RFX3: variants seen among roughly 807,000 people sequenced by gnomAD.
RFX3 encodes the protein regulatory factor X3.
Under a neutral mutation model 98.6 loss-of-function variants are expected in RFX3, and 14 were observed. That is an observed-to-expected ratio of 0.14 (90% CI 0.09 to 0.22). RFX3 has a LOEUF of 0.22. Ranked by LOEUF, RFX3 falls within the 10% of genes least tolerant of loss-of-function variation. RFX3 has a pLI of 1.00. For synonymous variants in RFX3, 383 were observed against 328.4 expected, an observed-to-expected ratio of 1.17 and a Z score of -1.80; for missense variants, 639 against 926.9, an observed-to-expected ratio of 0.69 and a Z score of 4.03.
intron 4 of RFX3, among the ~76,000 whole-genome samples, chr9:3,306,476 A>T (rs1829325618): frequency 6.6e-6 from 1 of 151,924 alleles, no homozygotes; most frequent in East Asian, 1.9e-4. Context: ...ATTGAATATT[A>T]CTGGAAGGAA....
chr9:3,264,850 G>T (rs1823405604), intron 12 of RFX3, among the ~76,000 whole-genome samples: 3 of 152,180 alleles, frequency 2.0e-5, no homozygotes, highest in African/African-American at 4.8e-5. Context: ...CCAAACTCTG[G>T]AGGTCAATGA....
At chr9:3,230,621 T>A (rs546917780) in intron 15 of RFX3, among the ~76,000 whole-genome samples, 56 of 152,318 alleles carry the variant, frequency 3.7e-4, no homozygotes, top group African/African-American at 1.2e-3. Context: ...TTTAGAACTA[T>A]AAACAGAGAA....
chr9:3,268,473 C>T (rs564393813), intron 11 of RFX3, among the ~76,000 whole-genome samples: 2 of 151,554 alleles, frequency 1.3e-5, no homozygotes, highest in East Asian at 2.0e-4. Context: ...AAAATGCATA[C>T]AAGCAGAAGA....
chr9:3,491,712 CTT>C (rs1255141141), intron 1 of RFX3, among the ~76,000 whole-genome samples: 1 of 152,138 alleles, frequency 6.6e-6, no homozygotes, highest in Non-Finnish European at 1.5e-5. Context: ...CTTAGGATCT[CTT>C]TGTTTTTTAT....
intron 1 of RFX3, among the ~76,000 whole-genome samples, chr9:3,425,663 G>A (rs948856344): frequency 6.6e-6 from 1 of 152,074 alleles, no homozygotes; most frequent in Non-Finnish European, 1.5e-5. Context: ...TGAACTTACT[G>A]GATGTATAAG....
chr9:3,524,628 C>T (rs1819033388), intron 1 of RFX3: 1 of 984,172 alleles, frequency 1.0e-6, no homozygotes, highest in Non-Finnish European at 1.2e-6. Context: ...CACAAAGCTT[C>T]CTTGTGTCCC....
At chr9:3,234,019 T>C (rs1351822275) in intron 15 of RFX3, among the ~76,000 whole-genome samples, 2 of 152,228 alleles carry the variant, frequency 1.3e-5, no homozygotes. Flanking sequence ...TCCCTGTTAG[T>C]ATATCCAGAT....
At chr9:3,394,109 G>C (rs555733070) in intron 2 of RFX3, among the ~76,000 whole-genome samples, 2 of 152,242 alleles carry the variant, frequency 1.3e-5, no homozygotes, top group East Asian at 3.9e-4. Context: ...TGAGGGATGG[G>C]AAAGTTGTAT....
Position 3,410,009 on chromosome 9 carries a change from G to T in RFX3, c.-8-14413C>A, listed in dbSNP as rs577384457. Among the ~76,000 whole-genome samples the T allele has an allele frequency of 3.3e-3, 499 of 152,204 alleles. 2 individuals carry two copies. Among genetic ancestry groups the T allele is most frequent in the Middle Eastern group, 6.8e-3 (2 of 294 alleles). On this transcript the variant is annotated intron_variant, in intron 1 of 16. Coordinates refer to ENST00000617270, the MANE Select transcript of RFX3 (RefSeq NM_001282116.2). ...AGAGGTAGCAAGGCCTGACAGACGC[G>T]CAAAGTGCTTACTACACAAGGAAAG...
intron 1 of RFX3, among the ~76,000 whole-genome samples, chr9:3,447,442 A>G (rs1211806504): frequency 6.6e-6 from 1 of 152,210 alleles, no homozygotes; most frequent in Non-Finnish European, 1.5e-5. Context: ...CTTTGGGCTA[A>G]GACATCCATT....
chr9:3,238,405 TG>T (rs1819467761), intron 15 of RFX3, among the ~76,000 whole-genome samples: 1 of 152,200 alleles, frequency 6.6e-6, no homozygotes. Context: ...TGAGAAGGGA[TG>T]AAGTGCTTGT....
At chr9:3,495,620 C>G (rs994318449) in intron 1 of RFX3, among the ~76,000 whole-genome samples, 1 of 152,006 alleles carries the variant, frequency 6.6e-6, no homozygotes, top group East Asian at 1.9e-4. Context: ...ACTGTATCTG[C>G]GTAACTATAT....
chr9:3,463,498 G>C (rs1410727726), intron 1 of RFX3, among the ~76,000 whole-genome samples: 1 of 151,702 alleles, frequency 6.6e-6, no homozygotes, highest in Non-Finnish European at 1.5e-5. Context: ...TCAATAAATT[G>C]GGCTTCATCA....
In RFX3 at chr9:3,218,827, A is replaced by T. The variant is rs1327899117; in HGVS notation, c.*6215T>A. Reference sequence around the variant, plus strand: ...TAAAATAAATGTTCAAATATCTCCTAGTGTTACTATGTTTCTGTGCTTGTG... The same window carrying T: ...TAAAATAAATGTTCAAATATCTCCTTGTGTTACTATGTTTCTGTGCTTGTG... On this transcript the variant is annotated 3_prime_UTR_variant, in exon 17 of 17. Transcript: ENST00000617270. The T allele has an allele frequency of 6.6e-6, 1 of 152,130 alleles. No homozygotes were observed. The highest frequency in any genetic ancestry group is 1.5e-5 in the Non-Finnish European group (1 of 67,992). 9.4% of individuals were successfully genotyped at this position (152,130 alleles called of 1,614,324 possible).
intron 1 of RFX3, among the ~76,000 whole-genome samples, chr9:3,503,516 T>C (rs565454028): frequency 1.4e-4 from 21 of 152,262 alleles, no homozygotes; most frequent in Admixed American, 3.9e-4. Flanking sequence ...TGCTGAATAT[T>C]TGACACCAAA....
intron 2 of RFX3, among the ~76,000 whole-genome samples, chr9:3,391,976 C>A (rs1840357175): frequency 6.6e-6 from 1 of 152,160 alleles, no homozygotes; most frequent in Admixed American, 6.6e-5. Flanking sequence ...ATACCCAACT[C>A]TTTCCCCAAC....
rs144790348 is a variant in RFX3 at position 3,406,127 on chromosome 9, T to G, written c.-8-10531A>C. 1.8e-3 allele frequency among the ~76,000 whole-genome samples: 280 copies of G among 152,076 alleles called. 2 individuals are homozygous for G. The highest frequency in any genetic ancestry group is 3.1e-3 in the Non-Finnish European group (209 of 68,000). ...ACATGCCACCACGCCTGACAGCTAA[T>G]TTTTTGGATTTTTTTTGTAGAGACA... On this transcript the variant is annotated intron_variant, in intron 1 of 16. Coordinates refer to ENST00000617270, the MANE Select transcript of RFX3 (RefSeq NM_001282116.2).
Position 3,525,800 on chromosome 9 carries a change from G to A in RFX3, c.-62C>T. 4.6e-6 allele frequency: 3 copies of A among 649,812 alleles called. No individual in the cohort carries two copies. Among genetic ancestry groups the A allele is most frequent in the Non-Finnish European group, 5.7e-6 (3 of 522,672 alleles). 40.3% of individuals were successfully genotyped at this position (649,812 alleles called of 1,614,324 possible). On this transcript the variant is annotated 5_prime_UTR_variant, in exon 1 of 17. Transcript: ENST00000617270. ...GGTGGGTGATGGAGATGGTGGTGGT[G>A]GGGAGGAGGAGGAGGAAGAGGAGGA...
intron 1 of RFX3, among the ~76,000 whole-genome samples, chr9:3,460,940 C>G (rs1410838444): frequency 2.0e-5 from 3 of 151,806 alleles, no homozygotes; most frequent in Non-Finnish European, 4.4e-5. Context: ...TAGTCTTACT[C>G]TAATGTATTT....
Sources: gnomAD v4.1 joint callset for allele counts (sites outside exome capture counted in the v4.1 genomes callset) on GRCh38, gnomAD v4.1.1 for gene constraint, MANE v1.5 for transcripts, NCBI Gene and HGNC (gene_info 2026-07-23, HGNC 2026-07-21) for gene names.